DMD: variants seen among roughly 807,000 people sequenced by gnomAD.
DMD encodes mutant dystrophin.
In DMD, 63 loss-of-function variants were observed where a neutral mutation model predicts 330.1. The observed-to-expected ratio is 0.19, with a 90% CI of 0.16 to 0.24. The LOEUF (loss-of-function observed/expected upper bound fraction) is 0.24. Among genes scored for constraint, DMD ranks in the 10% least tolerant of loss-of-function variants. DMD has a pLI of 1.00. For missense variants in DMD, 3,344 were observed against 2,684.1 expected (o/e 1.25, Z -5.43); for synonymous variants, 1,223 against 959.8 (o/e 1.27, Z -5.07).
chrX:33,177,832 A>G (rs1453576271), intron 1 of DMD, among the ~76,000 whole-genome samples: 3 of 112,171 alleles, frequency 2.7e-5, no homozygotes, highest in Non-Finnish European at 3.8e-5. Flanking sequence ...CTGAAACTTG[A>G]TATCTGTTGA....
At chrX:32,483,271 T>G (rs1354037511) in intron 21 of DMD, among the ~76,000 whole-genome samples, 2 of 103,519 alleles carry the variant, frequency 1.9e-5, no homozygotes, top group Non-Finnish European at 4.0e-5. Context: ...GGACAATTTG[T>G]TTACATATAA....
chrX:31,368,952 C>A (rs930995036), intron 60 of DMD, among the ~76,000 whole-genome samples: 2 of 111,488 alleles, frequency 1.8e-5, no homozygotes, highest in Non-Finnish European at 3.8e-5. Flanking sequence ...GGCCCGAGGT[C>A]CCTTCTTGAT....
At chrX:32,796,702 T>C (rs1233147096) in intron 7 of DMD, among the ~76,000 whole-genome samples, 2 of 111,723 alleles carry the variant, frequency 1.8e-5, no homozygotes, top group Non-Finnish European at 3.8e-5. Flanking sequence ...TAACAAAATA[T>C]CACATGTATG....
At chrX:32,664,238 G>GTTTTT (rs59135933) in intron 9 of DMD, among the ~76,000 whole-genome samples, 3 of 86,855 alleles carry the variant, frequency 3.5e-5, no homozygotes, top group African/African-American at 8.8e-5. Flanking sequence ...CCTGGCATAG[G>GTTTTT]TTTTTTTTTT....
intron 4 of DMD, among the ~76,000 whole-genome samples, chrX:32,835,741 T>A (rs2079558689): frequency 9.0e-6 from 1 of 111,376 alleles, no homozygotes. Context: ...CTACAGAATA[T>A]GCTAGAACTA....
chrX:32,629,536 T>C (rs1003502834), intron 11 of DMD, among the ~76,000 whole-genome samples: 3 of 111,468 alleles, frequency 2.7e-5, no homozygotes, highest in African/African-American at 9.8e-5. Context: ...CATTGGTACG[T>C]TAAGGACTTA....
chrX:32,402,840 G>A lies in DMD; in HGVS notation c.4233+8912C>T, dbSNP rs185395032. Among the ~76,000 whole-genome samples the A allele has an allele frequency of 3.2e-3, 353 of 111,410 alleles. 2 individuals carry two copies. The highest frequency in any genetic ancestry group is 0.011 in the African/African-American group (339 of 30,728). ...GGAAAAATGGTTCTTCACTATTATGGTAAACGTAAGTGGCCAGCAATTTCT... is the reference window on the plus strand; with the variant it reads ...GGAAAAATGGTTCTTCACTATTATGATAAACGTAAGTGGCCAGCAATTTCT... On this transcript the variant is annotated intron_variant, in intron 30 of 78. Coordinates refer to ENST00000357033, the MANE Select transcript of DMD (RefSeq NM_004006.3).
At chrX:33,013,162 C>A (rs1304512829) in intron 2 of DMD, among the ~76,000 whole-genome samples, 1 of 110,565 alleles carries the variant, frequency 9.0e-6, no homozygotes, top group Non-Finnish European at 1.9e-5. Flanking sequence ...TTTTAGAGTC[C>A]ATTTTCTTGG....
intron 2 of DMD, among the ~76,000 whole-genome samples, chrX:32,976,090 G>A (rs1050466916): frequency 1.8e-5 from 2 of 111,141 alleles, no homozygotes; most frequent in African/African-American, 3.3e-5. Context: ...GTGTGGTGGC[G>A]CAAGCCTGTA....
At chrX:32,214,223 TTAAA>T (rs1362080263) in intron 44 of DMD, among the ~76,000 whole-genome samples, 6 of 28,578 alleles carry the variant, frequency 2.1e-4, no homozygotes, top group African/African-American at 6.9e-4. Context: ...CCTGAAACAC[TTAAA>T]AAAAAAAAAA....
intron 1 of DMD, among the ~76,000 whole-genome samples, chrX:33,197,637 T>A (rs746083421): frequency 9.8e-5 from 11 of 112,152 alleles, no homozygotes; most frequent in African/African-American, 1.9e-4. Context: ...TCAATATCTG[T>A]TCTTAATATC....
chrX:32,468,919 T>C (rs72468669), intron 22 of DMD, among the ~76,000 whole-genome samples: 1,363 of 110,975 alleles, frequency 0.012, 20 homozygotes, highest in African/African-American at 0.043. Flanking sequence ...TATTTAACAC[T>C]CCATATGTAT....
rs1237558621 is a variant in DMD at position 31,146,311 on chromosome X, C to T, written c.10901G>A (p.Ser3634Asn). Residue 3634 changes from serine (S) to asparagine (N), a missense_variant, in exon 76 of 79, where the codon AGT becomes AAT. Physicochemically the swap from Ser to Asn is conservative, Grantham distance 46. Coordinates refer to ENST00000357033, the MANE Select transcript of DMD (RefSeq NM_004006.3). ...CTTACCCATGGAGTCCGAAGTTTGA[C>T]TGCCAACCACTCGGAGCAGCATAGG... ...SQPMLLRVVG[S>N]QTSDSMGEED... 1 of 1,211,175 alleles carries T rather than the reference C, an allele frequency of 8.3e-7. No homozygotes were observed.
chrX:31,908,567 G>A (rs917156142), intron 47 of DMD, among the ~76,000 whole-genome samples: 12 of 107,342 alleles, frequency 1.1e-4, no homozygotes, highest in African/African-American at 3.4e-4. Context: ...GGGGCCTGTC[G>A]TGGGGTGGGG....
rs1468473458 is a variant in DMD at position 32,287,623 on chromosome X, C to T, written c.6196G>A (p.Ala2066Thr). Reference protein sequence around the residue: ...HSKKTAALQSATPVERVKLQE... With the variant: ...HSKKTAALQSTTPVERVKLQE... ...AGCTTCACCCTTTCCACAGGCGTTG[C>T]ACTTTGCAATGCTGCTGTCTTCTTG... The change falls in exon 43 of 79, where the codon GCA becomes ACA. Residue 2066 changes from alanine to threonine, a missense_variant. Physicochemically the swap from Ala to Thr is moderately conservative, Grantham distance 58. Coordinates refer to ENST00000357033, the MANE Select transcript of DMD (RefSeq NM_004006.3). The T allele has an allele frequency of 1.7e-6, 2 of 1,208,485 alleles. No homozygotes were observed. Among genetic ancestry groups the T allele is most frequent in the South Asian group, 1.8e-5 (1 of 56,711 alleles).
chrX:31,660,553 T>C (rs1302279971), intron 53 of DMD, among the ~76,000 whole-genome samples: 2 of 112,103 alleles, frequency 1.8e-5, no homozygotes, highest in East Asian at 2.8e-4. Context: ...ATTAATAGCA[T>C]GAACATCCAC....
chrX:32,818,775 G>A (rs775803537), intron 5 of DMD, among the ~76,000 whole-genome samples: 1 of 110,097 alleles, frequency 9.1e-6, no homozygotes, highest in South Asian at 4.0e-4. Flanking sequence ...CACCTGAGTT[G>A]CAGAGTCCTG....
chrX:31,160,575 C>T (rs997672234), intron 74 of DMD, among the ~76,000 whole-genome samples: 3 of 111,677 alleles, frequency 2.7e-5, no homozygotes. Flanking sequence ...TGCAGTTGGG[C>T]TCGAGGTCAA....
At chrX:31,415,659 T>C (rs886987926) in intron 60 of DMD, among the ~76,000 whole-genome samples, 7 of 112,127 alleles carry the variant, frequency 6.2e-5, no homozygotes, top group Admixed American at 5.7e-4. Context: ...TCATGAAAAG[T>C]CAATTATGGA....
Sources: allele counts gnomAD v4.1 joint callset (sites outside exome capture counted in the v4.1 genomes callset), GRCh38; gene constraint gnomAD v4.1.1; transcripts MANE v1.5; gene names NCBI Gene and HGNC (gene_info 2026-07-23, HGNC 2026-07-21).